TNIK: variants seen among roughly 807,000 people sequenced by gnomAD.
TNIK encodes TRAF2 and NCK-interacting protein kinase.
Under a neutral mutation model 191.3 loss-of-function variants are expected in TNIK, and 49 were observed. That is an observed-to-expected ratio of 0.26 (90% CI 0.20 to 0.32). The LOEUF (loss-of-function observed/expected upper bound fraction) is 0.32. Ranked by LOEUF, TNIK falls within the 10% of genes least tolerant of loss-of-function variation. The pLI is 1.00. For synonymous variants in TNIK, 594 were observed against 600.9 expected, an observed-to-expected ratio of 0.99 and a Z score of 0.17; for missense variants, 1,155 against 1,702.3, an observed-to-expected ratio of 0.68 and a Z score of 5.66.
chr3:171,375,031 T>C (rs1717024783), intron 1 of TNIK, among the ~76,000 whole-genome samples: 2 of 152,218 alleles, frequency 1.3e-5, no homozygotes, highest in East Asian at 1.9e-4. Context: ...CATAGCTTCA[T>C]GGAACCATAA....
chr3:171,119,119 C>A (rs1213464920), intron 18 of TNIK, among the ~76,000 whole-genome samples: 6 of 152,210 alleles, frequency 3.9e-5, no homozygotes, highest in Non-Finnish European at 8.8e-5. Flanking sequence ...ACCCCATCAA[C>A]AAGTGGGCAA....
chr3:171,280,132 T>C (rs544863038), intron 2 of TNIK, among the ~76,000 whole-genome samples: 18 of 152,194 alleles, frequency 1.2e-4, no homozygotes, highest in Admixed American at 1.0e-3. Flanking sequence ...GTGGCACTCA[T>C]GAATGGATGG....
intron 2 of TNIK, among the ~76,000 whole-genome samples, chr3:171,311,385 G>A (rs1243857772): frequency 6.6e-6 from 1 of 152,192 alleles, no homozygotes; most frequent in Non-Finnish European, 1.5e-5. Context: ...TCACGAGTAA[G>A]CACCTACTGT....
intron 2 of TNIK, among the ~76,000 whole-genome samples, chr3:171,315,511 C>T (rs1424758869): frequency 2.0e-5 from 3 of 151,984 alleles, no homozygotes; most frequent in Admixed American, 1.3e-4. Context: ...ATTAGTTGCC[C>T]GGAGCTGCCA....
intron 18 of TNIK, among the ~76,000 whole-genome samples, chr3:171,122,578 C>T (rs1382702255): frequency 6.6e-6 from 1 of 152,172 alleles, no homozygotes; most frequent in African/African-American, 2.4e-5. Context: ...TGGGCTGACC[C>T]CTTCCCTAAG....
At chr3:171,210,607 T>A (rs1435361866) in intron 4 of TNIK, among the ~76,000 whole-genome samples, 2 of 152,176 alleles carry the variant, frequency 1.3e-5, no homozygotes, top group Non-Finnish European at 2.9e-5. Flanking sequence ...TATGTTTCAG[T>A]CGCCCACTCA....
At chr3:171,387,365 T>A (rs1189509029) in intron 1 of TNIK, among the ~76,000 whole-genome samples, 2 of 152,186 alleles carry the variant, frequency 1.3e-5, no homozygotes, top group Non-Finnish European at 2.9e-5. Flanking sequence ...AACTACATAA[T>A]GCTAGTAGAT....
intron 2 of TNIK, among the ~76,000 whole-genome samples, chr3:171,282,332 TG>T (rs1750523934): frequency 7.7e-6 from 1 of 130,606 alleles, no homozygotes; most frequent in East Asian, 2.0e-4. Flanking sequence ...ATTCTCTTAA[TG>T]GTTTTTTGTT....
Position 171,351,269 on chromosome 3 carries a change from A to ATGTGTGTGTGTGTGTGTGTGTGTGTG in TNIK, c.123+18350_123+18351insCACACACACACACACACACACACACA, listed in dbSNP as rs140083535. Among the ~76,000 whole-genome samples, 617 of 147,042 alleles carry ATGTGTGTGTGTGTGTGTGTGTGTGTG rather than the reference A, an allele frequency of 4.2e-3. 5 individuals carry two copies. Among genetic ancestry groups the ATGTGTGTGTGTGTGTGTGTGTGTGTG allele is most frequent in the South Asian group, 0.014 (65 of 4,676 alleles). On this transcript the variant is annotated intron_variant, in intron 2 of 32. Coordinates refer to ENST00000436636, the MANE Select transcript of TNIK (RefSeq NM_015028.4). ...AGAGAAAATATATATATATATGTAT[A>ATGTGTGTGTGTGTGTGTGTGTGTGTG]TATGTGTGTGTGTGTGTGTATGAAT...
intron 7 of TNIK, among the ~76,000 whole-genome samples, chr3:171,184,850 A>G (rs1264627369): frequency 6.6e-6 from 1 of 152,170 alleles, no homozygotes; most frequent in African/African-American, 2.4e-5. Flanking sequence ...CACAATATTC[A>G]CCCAAACGCT....
At chr3:171,357,973 G>T (rs1190177631) in intron 2 of TNIK, among the ~76,000 whole-genome samples, 1 of 152,130 alleles carries the variant, frequency 6.6e-6, no homozygotes, top group Non-Finnish European at 1.5e-5. Context: ...AGCTCCAAGT[G>T]TGGGGCTACT....
intron 1 of TNIK, among the ~76,000 whole-genome samples, chr3:171,444,895 T>C (rs985284054): frequency 6.6e-6 from 1 of 152,124 alleles, no homozygotes; most frequent in Non-Finnish European, 1.5e-5. Context: ...TATTTTATTT[T>C]ATTGAGATAT....
chr3:171,212,382 G>A (rs1376461281), intron 3 of TNIK, among the ~76,000 whole-genome samples: 1 of 151,480 alleles, frequency 6.6e-6, no homozygotes, highest in African/African-American at 2.4e-5. Flanking sequence ...ACTGCATCTG[G>A]TCATAGCCCC....
chr3:171,430,340 C>T (rs896617311), intron 1 of TNIK, among the ~76,000 whole-genome samples: 2 of 151,996 alleles, frequency 1.3e-5, no homozygotes, highest in African/African-American at 2.4e-5. Context: ...TGTTTTTTAA[C>T]GTGAACCAAG....
chr3:171,067,909 T>C (rs1718675539), intron 30 of TNIK, among the ~76,000 whole-genome samples: 1 of 152,190 alleles, frequency 6.6e-6, no homozygotes, highest in South Asian at 2.1e-4. Flanking sequence ...AAAGTGGTAA[T>C]AATGCAGCAA....
chr3:171,206,333 GTGTATA>G (rs1740083195), intron 4 of TNIK, among the ~76,000 whole-genome samples: 1 of 81,650 alleles, frequency 1.2e-5, no homozygotes, highest in Non-Finnish European at 2.6e-5. Context: ...ATATATGTTC[GTGTATA>G]TATATATATA....
At chr3:171,233,811 G>A (rs77302946) in intron 2 of TNIK, among the ~76,000 whole-genome samples, 1,617 of 152,258 alleles carry the variant, frequency 0.011, 24 homozygotes, top group African/African-American at 0.037. Context: ...TGAGGGTTGC[G>A]TTTGGGTTCT....
At chr3:171,427,993 T>A (rs1326885056) in intron 1 of TNIK, among the ~76,000 whole-genome samples, 1 of 152,094 alleles carries the variant, frequency 6.6e-6, no homozygotes, top group Non-Finnish European at 1.5e-5. Context: ...GTGTGTTTGG[T>A]GCTGGGGGCT....
rs192042852 is a variant in TNIK at position 171,076,700 on chromosome 3, C to T, written c.3448+2818G>A. 2.8e-3 allele frequency among the ~76,000 whole-genome samples: 424 copies of T among 152,264 alleles called. 1 individual carries two copies. The highest frequency in any genetic ancestry group is 9.8e-3 in the African/African-American group (409 of 41,552). On this transcript the variant is annotated intron_variant, in intron 28 of 32. Coordinates refer to ENST00000436636, the MANE Select transcript of TNIK (RefSeq NM_015028.4). ...CAAAGAACTCTAGGGCTTATGAAAA[C>T]CAAGTACCTGCCTCCCTGCTGATTC...
Sources: gnomAD v4.1 joint callset for allele counts (sites outside exome capture counted in the v4.1 genomes callset) on GRCh38, gnomAD v4.1.1 for gene constraint, MANE v1.5 for transcripts, NCBI Gene and HGNC (gene_info 2026-07-23, HGNC 2026-07-21) for gene names.